RAB39A: variants seen among roughly 807,000 people sequenced by gnomAD.
RAB39A encodes RAB39A, member RAS oncogene family, also known as ras-related protein Rab-39A.
RAB39A carries 17 observed loss-of-function variants against 20.9 expected under a neutral mutation model. That is an observed-to-expected ratio of 0.81 (90% CI 0.56 to 1.22). The LOEUF (loss-of-function observed/expected upper bound fraction) is 1.22. RAB39A is among the 50% of genes most tolerant of loss of function. RAB39A has a pLI of 0.00. For missense variants in RAB39A, 234 were observed against 270.5 expected (o/e 0.87, Z 0.95); for synonymous variants, 99 against 103.4 (o/e 0.96, Z 0.26).
At chr11:107,953,967 A>G (rs1038276265) in intron 1 of RAB39A, among the ~76,000 whole-genome samples, 7 of 152,184 alleles carry the variant, frequency 4.6e-5, no homozygotes, top group African/African-American at 1.7e-4. Context: ...CCATTTCCCT[A>G]TCTCCACCAC....
intron 1 of RAB39A, among the ~76,000 whole-genome samples, chr11:107,961,391 C>A (rs1350025460): frequency 1.3e-5 from 2 of 152,082 alleles, no homozygotes; most frequent in Non-Finnish European, 2.9e-5. Flanking sequence ...CCCTCATGAC[C>A]TAAATTACAT....
chr11:107,933,505 G>A (rs541245981), intron 1 of RAB39A, among the ~76,000 whole-genome samples: 8 of 143,204 alleles, frequency 5.6e-5, no homozygotes, highest in Admixed American at 3.0e-4. Context: ...TCAGCCTCCC[G>A]AGTAGCTAGG....
chr11:107,949,677 A>G (rs1320036214), intron 1 of RAB39A, among the ~76,000 whole-genome samples: 1 of 152,210 alleles, frequency 6.6e-6, no homozygotes, highest in African/African-American at 2.4e-5. Flanking sequence ...TCTTTTATAC[A>G]CTTTCTGGTA....
intron 1 of RAB39A, among the ~76,000 whole-genome samples, chr11:107,930,290 T>C (rs1013726381): frequency 2.0e-5 from 3 of 152,206 alleles, no homozygotes; most frequent in African/African-American, 7.2e-5. Context: ...TGATTCCTCA[T>C]CTGTAAAATG....
intron 1 of RAB39A, among the ~76,000 whole-genome samples, chr11:107,929,987 C>T (rs1193568048): frequency 6.6e-6 from 1 of 152,192 alleles, no homozygotes; most frequent in African/African-American, 2.4e-5. Context: ...TCCCCTCGCC[C>T]CCAGCCAGCA....
At chr11:107,929,997 A>T (rs555690855) in intron 1 of RAB39A, among the ~76,000 whole-genome samples, 172 of 152,220 alleles carry the variant, frequency 1.1e-3, no homozygotes, top group Non-Finnish European at 2.0e-3. Flanking sequence ...CCCAGCCAGC[A>T]TCACTGCGAA....
At position 107,928,636 on chromosome 11, in the gene RAB39A, G is replaced by T. The variant is rs746460139; in HGVS notation, c.68G>T (p.Cys23Phe). ...VIGDSTVGKS[C>F]LLHRFTQGRF... ...GGGGACTCCACCGTGGGCAAGTCCT[G>T]CCTCCTGCACCGCTTCACCCAGGGC... Residue 23 changes from cysteine to phenylalanine, a missense_variant, in exon 1 of 2, where the codon TGC becomes TTC. Cys to Phe is a radical substitution (Grantham distance 205). Transcript: ENST00000320578. This position sits in a 1 kb window ranked among gnomAD's most constrained non-coding sequence, Gnocchi z 4.9. 2 of 1,608,052 alleles carry T rather than the reference G, an allele frequency of 1.2e-6. No individual in the cohort carries two copies. The highest frequency in any genetic ancestry group is 1.1e-5 in the South Asian group (1 of 90,564).
intron 1 of RAB39A, among the ~76,000 whole-genome samples, chr11:107,938,847 A>G (rs947926198): frequency 6.6e-6 from 1 of 152,146 alleles, no homozygotes; most frequent in Admixed American, 6.6e-5. Flanking sequence ...CTAGCCAGAC[A>G]TTTGAAAACC....
chr11:107,946,432 G>GTA (rs1861314498), intron 1 of RAB39A, among the ~76,000 whole-genome samples: 1 of 21,200 alleles, frequency 4.7e-5, no homozygotes, highest in African/African-American at 1.5e-4. Flanking sequence ...GTGTGTGTGT[G>GTA]TGTGTATATA....
chr11:107,936,495 G>A (rs1488613758), intron 1 of RAB39A, among the ~76,000 whole-genome samples: 1 of 151,992 alleles, frequency 6.6e-6, no homozygotes, highest in Non-Finnish European at 1.5e-5. Flanking sequence ...TAAAGTTAAT[G>A]TTTCAAAGTG....
chr11:107,945,318 CAAAAA>C (rs33940061), intron 1 of RAB39A, among the ~76,000 whole-genome samples: 1 of 87,444 alleles, frequency 1.1e-5, no homozygotes, highest in Non-Finnish European at 2.2e-5. Flanking sequence ...CCCGTCTCTA[CAAAAA>C]AAAAAAAAAA....
chr11:107,935,655 T>C (rs890170430), intron 1 of RAB39A, among the ~76,000 whole-genome samples: 1 of 151,578 alleles, frequency 6.6e-6, no homozygotes, highest in Non-Finnish European at 1.5e-5. Flanking sequence ...GGATTACAGG[T>C]GTGAGCCACC....
chr11:107,930,892 A>G (rs1177937403), intron 1 of RAB39A, among the ~76,000 whole-genome samples: 1 of 152,106 alleles, frequency 6.6e-6, no homozygotes, highest in Non-Finnish European at 1.5e-5. Flanking sequence ...AGCTCAACTT[A>G]TTGACAAGAA....
chr11:107,946,798 A>G (rs1861323878), intron 1 of RAB39A, among the ~76,000 whole-genome samples: 1 of 151,392 alleles, frequency 6.6e-6, no homozygotes, highest in East Asian at 2.0e-4. Context: ...TAAAAAAAAG[A>G]TTATTCTGTC....
chr11:107,959,791 C>T (rs757851030), intron 1 of RAB39A, among the ~76,000 whole-genome samples: 21 of 152,322 alleles, frequency 1.4e-4, no homozygotes, highest in Middle Eastern at 3.4e-3. Flanking sequence ...TGGCCATTCA[C>T]AAAGATCTTG....
At chr11:107,940,330 T>G (rs1054543819) in intron 1 of RAB39A, among the ~76,000 whole-genome samples, 2 of 152,068 alleles carry the variant, frequency 1.3e-5, no homozygotes, top group African/African-American at 4.8e-5. Context: ...AGTGGCACGA[T>G]CTCGGCTTTC....
chr11:107,949,494 G>A (rs78501442), intron 1 of RAB39A, among the ~76,000 whole-genome samples: 2,640 of 152,164 alleles, frequency 0.017, 48 homozygotes, highest in South Asian at 0.083. Flanking sequence ...GAAACAAGCA[G>A]CAGTCACAGA....
intron 1 of RAB39A, among the ~76,000 whole-genome samples, chr11:107,939,538 A>T (rs1487745732): frequency 2.0e-5 from 3 of 150,482 alleles, no homozygotes; most frequent in African/African-American, 7.3e-5. Flanking sequence ...TGAACCCGGG[A>T]GGCAAAGCTT....
At chr11:107,933,865 A>G (rs1861166094) in intron 1 of RAB39A, among the ~76,000 whole-genome samples, 1 of 151,554 alleles carries the variant, frequency 6.6e-6, no homozygotes, top group Non-Finnish European at 1.5e-5. Flanking sequence ...CATATTGGCC[A>G]GGCTGGTCTC....
Sources: gnomAD v4.1 joint callset for allele counts (sites outside exome capture counted in the v4.1 genomes callset) on GRCh38, gnomAD v4.1.1 for gene constraint, Gnocchi (gnomAD v3.1) non-coding constraint, MANE v1.5 for transcripts, NCBI Gene and HGNC (gene_info 2026-07-23, HGNC 2026-07-21) for gene names.